SIK3: variants seen among roughly 807,000 people sequenced by gnomAD.
SIK3 encodes the protein serine/threonine-protein kinase SIK3.
SIK3 carries 28 observed loss-of-function variants against 144.2 expected under a neutral mutation model. The ratio of observed to expected loss-of-function variants is 0.19; its 90% CI spans 0.14 to 0.27. The LOEUF is 0.27. Ranked by LOEUF, SIK3 falls within the 10% of genes least tolerant of loss-of-function variation. The pLI is 1.00. For synonymous variants in SIK3, 686 were observed against 676.3 expected (o/e 1.01, Z -0.22); for missense variants, 1,319 against 1,776.0 (o/e 0.74, Z 4.62).
intron 1 of SIK3, among the ~76,000 whole-genome samples, chr11:116,996,963 G>A (rs1950691558): frequency 6.6e-6 from 1 of 150,806 alleles, no homozygotes; most frequent in Non-Finnish European, 1.5e-5. Flanking sequence ...ACAGGTTCAT[G>A]TTCTCTGACC....
chr11:116,883,960 A>G (rs1165938502), intron 6 of SIK3, among the ~76,000 whole-genome samples: 1 of 152,124 alleles, frequency 6.6e-6, no homozygotes, highest in Non-Finnish European at 1.5e-5. Context: ...ATTTGTATAT[A>G]TAAATAACAT....
Position 116,862,192 on chromosome 11 carries a change from G to T in SIK3, c.2229+10C>A. On this transcript the variant is annotated intron_variant, in intron 17 of 24. Coordinates refer to ENST00000445177, the MANE Select transcript of SIK3 (RefSeq NM_001366686.3). Reference sequence around the variant, plus strand: ...AAACAAGTTGGAGAAAGCAAAGAGTGAGGGCCTACTTGAATTTGTTGCTGG... The same window carrying T: ...AAACAAGTTGGAGAAAGCAAAGAGTTAGGGCCTACTTGAATTTGTTGCTGG... 3 of 1,614,190 alleles carry T rather than the reference G, an allele frequency of 1.9e-6. No individual in the cohort carries two copies. The highest frequency in any genetic ancestry group is 2.5e-6 in the Non-Finnish European group (3 of 1,180,042).
intron 1 of SIK3, among the ~76,000 whole-genome samples, chr11:116,980,400 A>T (rs974671152): frequency 2.6e-5 from 4 of 152,242 alleles, no homozygotes; most frequent in Non-Finnish European, 5.9e-5. Flanking sequence ...CACACTGCTA[A>T]AAGCCTAAAA....
chr11:116,950,586 A>G (rs765270716), intron 3 of SIK3, among the ~76,000 whole-genome samples: 3 of 152,186 alleles, frequency 2.0e-5, no homozygotes, highest in African/African-American at 4.8e-5. Flanking sequence ...TTAATTTTCT[A>G]TTGTTCTGTT....
intron 4 of SIK3, among the ~76,000 whole-genome samples, chr11:116,919,693 A>C (rs1946856641): frequency 6.6e-6 from 1 of 152,254 alleles, no homozygotes; most frequent in Non-Finnish European, 1.5e-5. Context: ...GGACAAGGAC[A>C]TTAAAATTAC....
intron 1 of SIK3, among the ~76,000 whole-genome samples, chr11:117,072,141 A>C (rs1463233719): frequency 1.3e-5 from 2 of 152,110 alleles, no homozygotes; most frequent in African/African-American, 4.8e-5. Context: ...TAATCCCAGC[A>C]CTTTGGGAGG....
chr11:117,015,584 T>C (rs917948527), intron 1 of SIK3, among the ~76,000 whole-genome samples: 1 of 151,616 alleles, frequency 6.6e-6, no homozygotes, highest in African/African-American at 2.4e-5. Context: ...GCTAATTTTT[T>C]TTTTTTTGAG....
chr11:117,056,572 T>C (rs1012309045), intron 1 of SIK3, among the ~76,000 whole-genome samples: 10 of 118,834 alleles, frequency 8.4e-5, no homozygotes, highest in Non-Finnish European at 1.7e-4. Flanking sequence ...TAGATATAGA[T>C]ATAGATATAG....
At chr11:116,968,708 T>G (rs1949653348) in intron 1 of SIK3, among the ~76,000 whole-genome samples, 1 of 152,170 alleles carries the variant, frequency 6.6e-6, no homozygotes, top group Non-Finnish European at 1.5e-5. Context: ...TGCATTAGAG[T>G]ACAAGTGTAG....
intron 1 of SIK3, among the ~76,000 whole-genome samples, chr11:117,013,256 C>G (rs1393419052): frequency 6.6e-6 from 1 of 152,022 alleles, no homozygotes; most frequent in Non-Finnish European, 1.5e-5. Flanking sequence ...TTTGGGAGGC[C>G]AAAGTGGGCA....
intron 1 of SIK3, among the ~76,000 whole-genome samples, chr11:117,060,180 T>G (rs1177628200): frequency 6.6e-6 from 1 of 152,110 alleles, no homozygotes; most frequent in Non-Finnish European, 1.5e-5. Flanking sequence ...CAATGAGCTA[T>G]CAAACCATGA....
chr11:117,043,979 C>T (rs1952851575), intron 1 of SIK3, among the ~76,000 whole-genome samples: 1 of 152,174 alleles, frequency 6.6e-6, no homozygotes, highest in African/African-American at 2.4e-5. Context: ...GTCAAATGAC[C>T]ATAGCAAATA....
At chr11:116,993,593 T>C (rs776151439) in intron 1 of SIK3, among the ~76,000 whole-genome samples, 8 of 152,164 alleles carry the variant, frequency 5.3e-5, no homozygotes, top group African/African-American at 9.7e-5. Flanking sequence ...TAGGAAAACA[T>C]GTATATTCCT....
chr11:116,895,696 T>C (rs1031974410), intron 6 of SIK3, among the ~76,000 whole-genome samples: 2 of 152,254 alleles, frequency 1.3e-5, no homozygotes, highest in Non-Finnish European at 2.9e-5. Flanking sequence ...TTCCAAGACC[T>C]GCCTACCTTA....
chr11:117,094,750 C>G (rs1372305707), intron 1 of SIK3, among the ~76,000 whole-genome samples: 1 of 151,608 alleles, frequency 6.6e-6, no homozygotes, highest in Non-Finnish European at 1.5e-5. Context: ...TTAAAAATAT[C>G]TGTAATACTT....
chr11:117,002,762 T>A (rs900187895), intron 1 of SIK3, among the ~76,000 whole-genome samples: 1 of 152,236 alleles, frequency 6.6e-6, no homozygotes, highest in African/African-American at 2.4e-5. Flanking sequence ...AGAGAACATG[T>A]AGGAGGAAGG....
intron 3 of SIK3, among the ~76,000 whole-genome samples, chr11:116,928,537 C>T (rs1481293765): frequency 1.3e-5 from 2 of 152,098 alleles, no homozygotes; most frequent in South Asian, 2.1e-4. Context: ...CATCTCACTC[C>T]CTCACAGGAC....
intron 21 of SIK3, among the ~76,000 whole-genome samples, chr11:116,851,771 C>A (rs1264157710): frequency 1.3e-5 from 2 of 152,238 alleles, no homozygotes; most frequent in African/African-American, 4.8e-5. Context: ...TGCCCAATTC[C>A]TCTCAGTGGG....
Position 116,846,547 on chromosome 11 carries a change from C to T in SIK3, c.3959G>A (p.Gly1320Glu), listed in dbSNP as rs1036541258. Residue 1320 changes from glycine to glutamate, a missense_variant, in exon 24 of 25, where the codon GGG becomes GAG. Gly to Glu is a moderately conservative substitution (Grantham distance 98). Transcript: ENST00000445177. This position sits in a 1 kb window ranked among gnomAD's most constrained non-coding sequence, Gnocchi z 4.1. ...QFQDGENEEC[G>E]ASLGGHEHPD... The stretch of plus-strand genomic sequence containing the variant: ...GTGCTCATGACCTCCCAGGCTTGCC[C>T]CACATTCTGCAAGACCAAAAAGAAC... 1 of 1,614,088 alleles carries T rather than the reference C, an allele frequency of 6.2e-7. No individual in the cohort carries two copies.
Sources: allele counts gnomAD v4.1 joint callset (sites outside exome capture counted in the v4.1 genomes callset), GRCh38; gene constraint gnomAD v4.1.1; non-coding constraint Gnocchi (gnomAD v3.1); transcripts MANE v1.5; gene names NCBI Gene and HGNC (gene_info 2026-07-23, HGNC 2026-07-21).